Variants in NIN observed in about 807,000 individuals in gnomAD.
The protein encoded by NIN is ninein.
Under a neutral mutation model 257.6 loss-of-function variants are expected in NIN, and 137 were observed. That is an observed-to-expected ratio of 0.53 (90% CI 0.46 to 0.61). The LOEUF (loss-of-function observed/expected upper bound fraction) is 0.61. Ranked by LOEUF, NIN falls within the 20% of genes least tolerant of loss-of-function variation. The pLI, the probability that NIN is intolerant of heterozygous loss-of-function variation, is 0.00. For missense variants in NIN, 2,439 were observed against 2,501.2 expected, an observed-to-expected ratio of 0.98 and a Z score of 0.53; for synonymous variants, 918 against 919.8, an observed-to-expected ratio of 1.00 and a Z score of 0.04.
chr14:50,738,020 G>C lies in NIN; in HGVS notation c.5775+120C>G, dbSNP rs994442080. 5 of 963,024 alleles carry C rather than the reference G, an allele frequency of 5.2e-6. No homozygotes were observed. In the African/African-American group the frequency reaches 8.2e-5, roughly 16 times the overall value. The allele number at this position is 963,024 out of a possible 1,614,324, so 59.7% of individuals were successfully genotyped here. ...TTTTGACAAGATAACAGCATAAAGA[G>C]ATACATGCCAAAATATGCCATCGTA... is the stretch of plus-strand genomic sequence containing the variant. On this transcript the variant is annotated intron_variant, in intron 27 of 30. Transcript: ENST00000530997.
intron 6 of NIN, among the ~76,000 whole-genome samples, chr14:50,777,424 T>C (rs1258919980): frequency 6.6e-6 from 1 of 152,216 alleles, no homozygotes; most frequent in Non-Finnish European, 1.5e-5. Flanking sequence ...TTATTTCAGC[T>C]GAGCACATCA....
At chr14:50,738,532 T>C (rs2140459773) in intron 26 of NIN, among the ~76,000 whole-genome samples, 1 of 152,286 alleles carries the variant, frequency 6.6e-6, no homozygotes. Context: ...CTGGGTCTAC[T>C]AACTCTCCAG....
At chr14:50,776,612 C>T (rs1329043417) in intron 7 of NIN, among the ~76,000 whole-genome samples, 2 of 152,180 alleles carry the variant, frequency 1.3e-5, no homozygotes, top group African/African-American at 2.4e-5. Context: ...TTAATTCTGC[C>T]TCCACATGTT....
rs551060188 is a variant in NIN, at chr14:50,720,266, A to G, written c.*3197T>C. 4.7e-4 allele frequency: 104 copies of G among 222,570 alleles called. No individual in the cohort carries two copies. In the East Asian group the frequency reaches 6.8e-3, roughly 14 times the overall value. 13.8% of individuals were successfully genotyped at this position (222,570 alleles called of 1,614,324 possible). ...TCACTACAGGTAATCCATTCAAAAC[A>G]TGACTTGCTTAATACTATCACAAAG... On this transcript the variant is annotated 3_prime_UTR_variant, in exon 31 of 31. Coordinates refer to ENST00000530997, the MANE Select transcript of NIN (RefSeq NM_020921.4).
chr14:50,730,981 G>A, intron 28 of NIN: 2 of 1,337,376 alleles, frequency 1.5e-6, no homozygotes, highest in South Asian at 1.2e-5. Context: ...CAACCACTGA[G>A]TTCTAGGTAC....
At chr14:50,798,225 T>C (rs2043930190) in intron 4 of NIN, among the ~76,000 whole-genome samples, 2 of 152,156 alleles carry the variant, frequency 1.3e-5, no homozygotes, top group Non-Finnish European at 2.9e-5. Context: ...CCACACAAGA[T>C]GCAGATGTTT....
intron 25 of NIN, 83 bp downstream of exon 25, chr14:50,741,499 C>T (rs1226546419): frequency 4.9e-6 from 5 of 1,023,308 alleles, no homozygotes; most frequent in South Asian, 3.0e-5. Flanking sequence ...CATACATATA[C>T]ACATAAAAAT....
chr14:50,785,404 G>A (rs923082324), intron 5 of NIN, among the ~76,000 whole-genome samples: 4 of 152,238 alleles, frequency 2.6e-5, no homozygotes, highest in African/African-American at 9.6e-5. Context: ...GGCAGACACC[G>A]GGGCATTCTT....
In NIN at chr14:50,799,868, G is replaced by A. The variant is rs377348719; in HGVS notation, c.265+6869C>T. Among the ~76,000 whole-genome samples the A allele has an allele frequency of 1.5e-3, 235 of 152,132 alleles. 7 individuals carry two copies. In the South Asian group the frequency reaches 0.043, roughly 28 times the overall value. On this transcript the variant is annotated intron_variant, in intron 4 of 30. Transcript: ENST00000530997. ...TGCATGCCTGTAATCCCAGCTACTC[G>A]GCAGGCTGGGGCAGAAGAATCGCTT...
chr14:50,776,446 C>T (rs982407940), intron 7 of NIN, among the ~76,000 whole-genome samples: 1 of 152,160 alleles, frequency 6.6e-6, no homozygotes, highest in Non-Finnish European at 1.5e-5. Context: ...TATGTAAAAG[C>T]AGTTTAGCTC....
chr14:50,759,323 G>A (rs1028137079), intron 17 of NIN, among the ~76,000 whole-genome samples: 3 of 152,228 alleles, frequency 2.0e-5, no homozygotes, highest in South Asian at 4.1e-4. Flanking sequence ...ATCTTAATAC[G>A]AGGAATACTT....
intron 3 of NIN, among the ~76,000 whole-genome samples, chr14:50,821,176 TATA>T (rs567562708): frequency 2.0e-5 from 3 of 152,212 alleles, no homozygotes; most frequent in Non-Finnish European, 4.4e-5. Flanking sequence ...AGCTATTAAT[TATA>T]ATGAGGAGAA....
chr14:50,810,953 C>T (rs2044570041), intron 3 of NIN, among the ~76,000 whole-genome samples: 3 of 152,176 alleles, frequency 2.0e-5, no homozygotes, highest in South Asian at 2.1e-4. Flanking sequence ...TGAGCCACCG[C>T]GCCCAGCCTT....
intron 3 of NIN, among the ~76,000 whole-genome samples, chr14:50,810,951 C>T (rs929782130): frequency 6.6e-6 from 1 of 151,982 alleles, no homozygotes; most frequent in Non-Finnish European, 1.5e-5. Context: ...CGTGAGCCAC[C>T]GCGCCCAGCC....
chr14:50,763,760 A>G, intron 15 of NIN, 66 bp downstream of exon 15: 2 of 1,406,896 alleles, frequency 1.4e-6, no homozygotes, highest in Non-Finnish European at 1.9e-6. Flanking sequence ...TTGCAATTTT[A>G]TATTGAACCA....
intron 29 of NIN, 160 bp from the exon 30 acceptor site, chr14:50,726,226 T>C: frequency 1.7e-6 from 1 of 601,424 alleles, no homozygotes; most frequent in Non-Finnish European, 2.9e-6. Context: ...CCTGCATGGA[T>C]TGCATATGTC....
chr14:50,766,268 G>C, intron 14 of NIN, 39 bp downstream of exon 14: 2 of 1,530,498 alleles, frequency 1.3e-6, no homozygotes, highest in Non-Finnish European at 1.8e-6. Context: ...TCTGAACCCA[G>C]GCACTCCTGC....
At chr14:50,752,328 C>T (rs921689543) in intron 21 of NIN, among the ~76,000 whole-genome samples, 190 bp downstream of exon 21, 2 of 152,166 alleles carry the variant, frequency 1.3e-5, no homozygotes, top group Non-Finnish European at 2.9e-5. Flanking sequence ...CCTGGTTATA[C>T]ACTACGTTTC....
intron 3 of NIN, among the ~76,000 whole-genome samples, chr14:50,808,257 C>T (rs377101238): frequency 2.0e-5 from 3 of 152,290 alleles, no homozygotes; most frequent in Admixed American, 1.3e-4. Flanking sequence ...GAGGGGCGGC[C>T]AGGTCCTGCT....
Sources: allele counts gnomAD v4.1 joint callset (sites outside exome capture counted in the v4.1 genomes callset), GRCh38; gene constraint gnomAD v4.1.1; transcripts MANE v1.5; gene names NCBI Gene and HGNC (gene_info 2026-07-23, HGNC 2026-07-21).